MON2: variants seen among roughly 807,000 people sequenced by gnomAD.
MON2 encodes the protein protein MON2 homolog.
A neutral mutation model predicts 208.6 loss-of-function variants in MON2; 84 were observed. The observed-to-expected ratio is 0.40, with a 90% CI of 0.34 to 0.48. MON2 has a LOEUF of 0.48. Among genes scored for constraint, MON2 ranks in the 20% least tolerant of loss-of-function variants. The probability of loss-of-function intolerance (pLI) is 0.59; values close to 1 mark genes in which losing one functional copy is unlikely to be tolerated. For missense variants in MON2, 1,611 were observed against 2,015.4 expected (o/e 0.80, Z 3.84); for synonymous variants, 660 against 694.0 (o/e 0.95, Z 0.77).
intron 1 of MON2, 96 bp downstream of exon 1, chr12:62,467,414 C>A: frequency 1.0e-6 from 1 of 955,014 alleles, no homozygotes; most frequent in African/African-American, 1.6e-5. Context: ...AATTTTCATT[C>A]AGGCCTCACC....
chr12:62,538,514 T>C lies in MON2; in HGVS notation c.2364+9T>C. 1.3e-6 allele frequency: 2 copies of C among 1,539,436 alleles called. No homozygotes were observed. Among genetic ancestry groups the C allele is most frequent in the Admixed American group, 1.7e-5 (1 of 59,030 alleles). ...CCTATGGAAATAATAAGGTGTGATA[T>C]TCTACCTTTCTGTTTTAGATATGAT... is the stretch of plus-strand genomic sequence containing the variant. On this transcript the variant is annotated intron_variant, in intron 19 of 34. Transcript: ENST00000393630.
At chr12:62,586,746 A>G (rs1373493711) in intron 33 of MON2, among the ~76,000 whole-genome samples, 1 of 152,166 alleles carries the variant, frequency 6.6e-6, no homozygotes, top group African/African-American at 2.4e-5. Context: ...ATGTGGTAAT[A>G]AGGTTGTTTT....
chr12:62,552,439 T>A (rs967140919), intron 23 of MON2, among the ~76,000 whole-genome samples: 1 of 152,044 alleles, frequency 6.6e-6, no homozygotes, highest in Admixed American at 6.6e-5. Context: ...ATATAAGATA[T>A]GTTTGGAAAC....
intron 1 of MON2, 133 bp from the exon 2 acceptor site, chr12:62,484,037 T>C: frequency 3.1e-6 from 2 of 654,496 alleles, no homozygotes; most frequent in Non-Finnish European, 2.7e-6. Flanking sequence ...ATCTGATGGT[T>C]TGAAAATTAA....
At chr12:62,511,302 C>T (rs568698159) in intron 8 of MON2, among the ~76,000 whole-genome samples, 2 of 152,248 alleles carry the variant, frequency 1.3e-5, no homozygotes, top group African/African-American at 4.8e-5. Context: ...ATTGCCAAAA[C>T]TATCTTGAGA....
At chr12:62,468,910 G>A (rs2068646350) in intron 1 of MON2, among the ~76,000 whole-genome samples, 1 of 151,908 alleles carries the variant, frequency 6.6e-6, no homozygotes, top group South Asian at 2.1e-4. Flanking sequence ...AGGCTGTTGT[G>A]GTCTAGCTTG....
chr12:62,578,183 A>G (rs2074860478), intron 30 of MON2, among the ~76,000 whole-genome samples: 1 of 152,182 alleles, frequency 6.6e-6, no homozygotes, highest in South Asian at 2.1e-4. Context: ...CATTCATAAT[A>G]TTGAAATAAG....
At chr12:62,494,224 A>AT (rs2070339877) in intron 3 of MON2, among the ~76,000 whole-genome samples, 182 bp downstream of exon 3, 1 of 152,186 alleles carries the variant, frequency 6.6e-6, no homozygotes. Context: ...ACAAACAAGT[A>AT]TTTTTGCAAG....
intron 8 of MON2, among the ~76,000 whole-genome samples, chr12:62,514,613 C>T (rs1369790390): frequency 6.6e-6 from 1 of 152,130 alleles, no homozygotes; most frequent in African/African-American, 2.4e-5. Flanking sequence ...GATTCAATTA[C>T]CTCCCACTGG....
intron 2 of MON2, among the ~76,000 whole-genome samples, chr12:62,492,148 G>A (rs1041311928): frequency 3.9e-5 from 6 of 152,180 alleles, no homozygotes; most frequent in Non-Finnish European, 8.8e-5. Flanking sequence ...CAGGCTGTAG[G>A]AAGTTGTAGT....
chr12:62,508,612 T>C (rs576710508), intron 8 of MON2, 132 bp downstream of exon 8: 1 of 675,924 alleles, frequency 1.5e-6, no homozygotes, highest in Admixed American at 2.6e-5. Flanking sequence ...CTACGTGTAG[T>C]CTAGGTACTC....
chr12:62,468,684 G>GATA (rs1254287842), intron 1 of MON2, among the ~76,000 whole-genome samples: 6 of 152,052 alleles, frequency 3.9e-5, no homozygotes, highest in African/African-American at 1.4e-4. Flanking sequence ...TTTTGATATT[G>GATA]ATTTTCATTT....
At chr12:62,537,486 C>A in intron 15 of MON2, 116 bp from the exon 16 acceptor site, 2 of 807,332 alleles carry the variant, frequency 2.5e-6, no homozygotes, top group Non-Finnish European at 3.8e-6. Context: ...CCTTCCAAAT[C>A]TTTTTCTTAA....
chr12:62,514,873 A>G (rs1379886891), intron 8 of MON2, among the ~76,000 whole-genome samples: 1 of 152,280 alleles, frequency 6.6e-6, no homozygotes, highest in Non-Finnish European at 1.5e-5. Context: ...CAACAAGCAT[A>G]TGAAAAGATG....
chr12:62,591,955 A>G (rs2075409330), intron 34 of MON2, among the ~76,000 whole-genome samples: 1 of 152,242 alleles, frequency 6.6e-6, no homozygotes, highest in Non-Finnish European at 1.5e-5. Flanking sequence ...TAATTGGGAT[A>G]TAACACTTTT....
rs958249165 is a variant in MON2, at chr12:62,595,455, G to A, written c.*2706G>A. 2.6e-5 allele frequency: 4 copies of A among 152,138 alleles called. No homozygotes were observed. The highest frequency in any genetic ancestry group is 5.9e-5 in the Non-Finnish European group (4 of 68,036). 9.4% of individuals were successfully genotyped at this position (152,138 alleles called of 1,614,324 possible). ...CCACTGCGCCCAGCCAATACCATGA[G>A]TTTTAAGCCTCACATCGTCACTTGC... On this transcript the variant is annotated 3_prime_UTR_variant, in exon 35 of 35. Transcript: ENST00000393630.
chr12:62,531,510 G>A (rs899312845), intron 11 of MON2, among the ~76,000 whole-genome samples: 3 of 152,098 alleles, frequency 2.0e-5, no homozygotes, highest in African/African-American at 2.4e-5. Context: ...TTTGCCAGAT[G>A]TCAATTTTAA....
intron 19 of MON2, among the ~76,000 whole-genome samples, chr12:62,541,226 C>A (rs1021670055): frequency 6.6e-6 from 1 of 152,020 alleles, no homozygotes; most frequent in Non-Finnish European, 1.5e-5. Flanking sequence ...ACTAAAAGTA[C>A]AAAAATTAGC....
Position 62,524,488 on chromosome 12 carries a change from A to G in MON2, c.985-27A>G, listed in dbSNP as rs746749669. ...TAATTCTTCTCTTTGATTCAAAGAA[A>G]TAGTATTAAAAATCATATATTTTTA... On this transcript the variant is annotated intron_variant, in intron 8 of 34. Coordinates refer to ENST00000393630, the MANE Select transcript of MON2 (RefSeq NM_015026.3). 5.1e-6 allele frequency: 8 copies of G among 1,554,272 alleles called. No individual in the cohort carries two copies. In the South Asian group the frequency reaches 9.0e-5, roughly 17 times the overall value.
Sources: allele counts gnomAD v4.1 joint callset (sites outside exome capture counted in the v4.1 genomes callset), GRCh38; gene constraint gnomAD v4.1.1; transcripts MANE v1.5; gene names NCBI Gene and HGNC (gene_info 2026-07-23, HGNC 2026-07-21).